Variants in ANTXR2 observed in about 807,000 individuals in gnomAD.
The protein encoded by ANTXR2 is anthrax toxin receptor 2.
In ANTXR2, 44 loss-of-function variants were observed where a neutral mutation model predicts 73.7. That is an observed-to-expected ratio of 0.60 (90% CI 0.47 to 0.77). ANTXR2 has a LOEUF of 0.77. Ranked by LOEUF, ANTXR2 falls within the 30% of genes least tolerant of loss-of-function variation. The pLI, the probability that ANTXR2 is intolerant of heterozygous loss-of-function variation, is 0.00. For missense variants in ANTXR2, 604 were observed against 592.5 expected, an observed-to-expected ratio of 1.02 and a Z score of -0.20; for synonymous variants, 217 against 205.9, an observed-to-expected ratio of 1.05 and a Z score of -0.46.
At chr4:79,918,848 CAT>C (rs1411445797) in intron 16 of ANTXR2, among the ~76,000 whole-genome samples, 5 of 151,750 alleles carry the variant, frequency 3.3e-5, no homozygotes, top group East Asian at 1.9e-4. Context: ...TAAATAATAA[CAT>C]ATTGAATTCA....
chr4:80,063,627 C>T (rs900116843), intron 3 of ANTXR2, among the ~76,000 whole-genome samples: 4 of 151,970 alleles, frequency 2.6e-5, no homozygotes, highest in African/African-American at 9.7e-5. Flanking sequence ...ACCATATAAA[C>T]AGTTAGGGAT....
intron 7 of ANTXR2, among the ~76,000 whole-genome samples, chr4:80,038,601 T>A (rs574337299): frequency 6.6e-6 from 1 of 152,220 alleles, no homozygotes; most frequent in Admixed American, 6.6e-5. Context: ...ATGTTAGATA[T>A]ATCCTGCAGT....
rs570211944 is a variant in ANTXR2, at chr4:79,913,290, T to C, written c.1429-5823A>G. 3.3e-5 allele frequency among the ~76,000 whole-genome samples: 5 copies of C among 152,296 alleles called. No individual in the cohort carries two copies. In the South Asian group the frequency reaches 1.0e-3, roughly 32 times the overall value. On this transcript the variant is annotated intron_variant, in intron 16 of 16. Transcript: ENST00000403729. ...AGAGCACATTTATATGGTAGAAAAT[T>C]TATTAATAAATTTTATAATCCACCA... is the stretch of plus-strand genomic sequence containing the variant.
At position 80,072,562 on chromosome 4, in the gene ANTXR2, C is replaced by T. The variant is rs1261035111; in HGVS notation, c.-2G>A. The T allele has an allele frequency of 1.3e-6, 2 of 1,545,334 alleles. No homozygotes were observed. Among genetic ancestry groups the T allele is most frequent in the Non-Finnish European group, 1.7e-6 (2 of 1,148,266 alleles). On this transcript the variant is annotated 5_prime_UTR_variant, in exon 1 of 17. Coordinates refer to ENST00000403729, the MANE Select transcript of ANTXR2 (RefSeq NM_058172.6). Reference sequence around the variant, plus strand: ...GGCCGGGGACCGCTCCGCCACCATCCTGCGGCCGGGGGCCTGAGACTCCCT... The same window carrying T: ...GGCCGGGGACCGCTCCGCCACCATCTTGCGGCCGGGGGCCTGAGACTCCCT...
At chr4:80,027,728 G>A (rs530379822) in intron 10 of ANTXR2, among the ~76,000 whole-genome samples, 2 of 152,242 alleles carry the variant, frequency 1.3e-5, no homozygotes, top group African/African-American at 2.4e-5. Flanking sequence ...ATGTGTTTAT[G>A]TATATTTACC....
intron 16 of ANTXR2, among the ~76,000 whole-genome samples, chr4:79,926,882 T>TATATATGTGTGTATATACACGTGTGC (rs1560866554): frequency 1.5e-5 from 1 of 65,694 alleles, no homozygotes; most frequent in African/African-American, 4.8e-5. Flanking sequence ...TATGTGTGTA[T>TATATATGTGTGTATATACACGTGTGC]ATATATGTGT....
At chr4:80,028,114 T>C (rs930350123) in intron 10 of ANTXR2, among the ~76,000 whole-genome samples, 2 of 152,156 alleles carry the variant, frequency 1.3e-5, no homozygotes, top group African/African-American at 4.8e-5. Flanking sequence ...CCATTCTTTC[T>C]GTTTAAATAA....
chr4:80,061,793 T>C (rs945425281), intron 3 of ANTXR2, among the ~76,000 whole-genome samples: 1 of 152,104 alleles, frequency 6.6e-6, no homozygotes, highest in Non-Finnish European at 1.5e-5. Flanking sequence ...TCTCCTTCCA[T>C]TAATAAACCA....
rs139558204 is a variant in ANTXR2 at position 79,962,494 on chromosome 4, C to G, written c.1428+15127G>C. ...TAATAATGAAAGATAATATAAAGAG[C>G]GGAAAAGACTAGTGGTATTCTTTTC... On this transcript the variant is annotated intron_variant, in intron 16 of 16. Transcript: ENST00000403729. Among the ~76,000 whole-genome samples the G allele has an allele frequency of 1.8e-4, 27 of 152,134 alleles. No individual in the cohort carries two copies. In the East Asian group the frequency reaches 4.6e-3, roughly 26 times the overall value.
chr4:79,953,144 C>G (rs1216160553), intron 16 of ANTXR2, among the ~76,000 whole-genome samples: 1 of 152,060 alleles, frequency 6.6e-6, no homozygotes, highest in Admixed American at 6.6e-5. Flanking sequence ...CCCTCAGTTC[C>G]CAGTACTCAC....
chr4:80,044,107 A>G (rs1432926234), intron 7 of ANTXR2, among the ~76,000 whole-genome samples: 2 of 151,960 alleles, frequency 1.3e-5, no homozygotes, highest in Non-Finnish European at 1.5e-5. Context: ...TTGCTTGCCT[A>G]TATGGTTACA....
chr4:79,960,101 G>T (rs917321382), intron 16 of ANTXR2, among the ~76,000 whole-genome samples: 2 of 152,132 alleles, frequency 1.3e-5, no homozygotes, highest in African/African-American at 4.8e-5. Flanking sequence ...GGGCATATGT[G>T]CATGTGTCTG....
intron 7 of ANTXR2, among the ~76,000 whole-genome samples, chr4:80,042,254 A>G (rs7687536): frequency 0.16 from 24,579 of 152,016 alleles, 3,007 homozygotes; most frequent in African/African-American, 0.35. Context: ...GGCACTTAGA[A>G]AACTGCAAAA....
intron 13 of ANTXR2, 38 bp downstream of exon 13, chr4:79,984,781 A>G: frequency 6.4e-7 from 1 of 1,573,898 alleles, no homozygotes; most frequent in South Asian, 1.1e-5. Flanking sequence ...ATTTGGAAAA[A>G]AAAAACAGCC....
At chr4:79,931,860 AAC>A (rs1157635121) in intron 16 of ANTXR2, among the ~76,000 whole-genome samples, 3 of 152,250 alleles carry the variant, frequency 2.0e-5, no homozygotes, top group African/African-American at 7.2e-5. Context: ...CAACTGTCAG[AAC>A]ACACTCAAGT....
intron 16 of ANTXR2, among the ~76,000 whole-genome samples, chr4:79,958,984 C>T (rs772299480): frequency 6.6e-6 from 1 of 151,338 alleles, no homozygotes. Flanking sequence ...ACAAGAATTC[C>T]GATCATTGAA....
At chr4:79,977,751 A>G in intron 15 of ANTXR2, 50 bp from the exon 16 acceptor site, 1 of 1,456,586 alleles carries the variant, frequency 6.9e-7, no homozygotes, top group Non-Finnish European at 9.3e-7. Flanking sequence ...CTCAATCTCT[A>G]TGTACTGAAT....
intron 16 of ANTXR2, among the ~76,000 whole-genome samples, chr4:79,924,536 AT>A (rs1403491945): frequency 6.6e-6 from 1 of 152,092 alleles, no homozygotes; most frequent in Non-Finnish European, 1.5e-5. Context: ...GGATAAACCA[AT>A]TTCAATTACT....
At chr4:80,062,738 T>C (rs945723436) in intron 3 of ANTXR2, among the ~76,000 whole-genome samples, 1 of 152,220 alleles carries the variant, frequency 6.6e-6, no homozygotes, top group Non-Finnish European at 1.5e-5. Context: ...GATTGAAAAC[T>C]GGAGAAGGAG....
Sources: allele counts gnomAD v4.1 joint callset (sites outside exome capture counted in the v4.1 genomes callset), GRCh38; gene constraint gnomAD v4.1.1; transcripts MANE v1.5; gene names NCBI Gene and HGNC (gene_info 2026-07-23, HGNC 2026-07-21).